Variants in FBRSL1 observed in about 807,000 individuals in gnomAD.
FBRSL1 encodes fibrosin like 1.
FBRSL1 carries 51 observed loss-of-function variants against 89.6 expected under a neutral mutation model. The ratio of observed to expected loss-of-function variants is 0.57; its 90% CI spans 0.45 to 0.72. FBRSL1 has a LOEUF of 0.72. FBRSL1 is among the 30% of genes least tolerant of loss of function. The probability of loss-of-function intolerance (pLI) is 0.00; values close to 1 mark genes in which losing one functional copy is unlikely to be tolerated. For missense variants in FBRSL1, 1,618 were observed against 1,451.8 expected, an observed-to-expected ratio of 1.11 and a Z score of -1.86; for synonymous variants, 779 against 681.1, an observed-to-expected ratio of 1.14 and a Z score of -2.24.
chr12:132,582,683 G>A (rs1252415302), intron 18 of FBRSL1, among the ~76,000 whole-genome samples: 1 of 152,088 alleles, frequency 6.6e-6, no homozygotes, highest in East Asian at 1.9e-4. Flanking sequence ...TCGGGGGTGC[G>A]GCTGCCGGGA....
At position 132,583,354 on chromosome 12, in the gene FBRSL1, G is replaced by C; in HGVS notation, c.2585G>C (p.Arg862Pro). The C allele has an allele frequency of 8.7e-7, 1 of 1,146,700 alleles. No homozygotes were observed. The highest frequency in any genetic ancestry group is 2.7e-5 in the South Asian group (1 of 37,364). The allele number at this position is 1,146,700 out of a possible 1,614,324, so 71.0% of individuals were successfully genotyped here. A position where few individuals can be genotyped will look rare whatever the true frequency, so the allele number is the denominator to read the frequency against. The change falls in exon 19 of 19, where the codon CGT becomes CCT. Residue 862 changes from arginine (R) to proline (P), a missense_variant. By Grantham distance (103) the Arg-to-Pro change is moderately radical. Transcript: ENST00000680143. ...CCTTTCCGCGGCCTGGAGCTGCCAC[G>C]TCGCGCCTTCCCCGCTGCCGCCCCC... ...WEPFRGLELP[R>P]RAFPAAAPAP...
chr12:132,496,573 TA>T (rs1259609355), intron 1 of FBRSL1, among the ~76,000 whole-genome samples: 2 of 152,186 alleles, frequency 1.3e-5, no homozygotes, highest in South Asian at 2.1e-4. Flanking sequence ...AGGGGACTCT[TA>T]GGGGGTTGTC....
chr12:132,580,349 A>G (rs2040658354), intron 15 of FBRSL1, among the ~76,000 whole-genome samples: 1 of 152,142 alleles, frequency 6.6e-6, no homozygotes, highest in Non-Finnish European at 1.5e-5. Flanking sequence ...CGGCCTCCCA[A>G]AGTGCTGGGA....
At position 132,570,050 on chromosome 12, in the gene FBRSL1, G is replaced by C. The variant is rs373715873; in HGVS notation, c.816G>C (p.Ala272=). 6.7e-7 allele frequency: 1 copy of C among 1,503,324 alleles called. No homozygotes were observed. The highest frequency in any genetic ancestry group is 8.8e-7 in the Non-Finnish European group (1 of 1,133,110). The allele number at this position is 1,503,324 out of a possible 1,614,324, so 93.1% of individuals were successfully genotyped here. A position where few individuals can be genotyped will look rare whatever the true frequency, so the allele number is the denominator to read the frequency against. Residue 272 remains alanine, a synonymous_variant, in exon 7 of 19, where the codon GCG becomes GCC. Coordinates refer to ENST00000680143, the MANE Select transcript of FBRSL1 (RefSeq NM_001367871.1). ...CTGCCAGCCCCGCGCCCCATGCCGC[G>C]CCCTGCCCGGGGCCCCCGCCCGGCT... ...LPTASPAPHA[A]PCPGPPPGSR...
In FBRSL1 at chr12:132,584,817, TTTACACACAC is replaced by T. The variant is rs142171092; in HGVS notation, c.*1040_*1049del. 0.27 allele frequency: 32,922 copies of T among 121,570 alleles called. 4,202 individuals carry two copies. The highest frequency in any genetic ancestry group is 0.37 in the Non-Finnish European group (18,943 of 51,854). The allele number at this position is 121,570 out of a possible 1,614,324, so 7.5% of individuals were successfully genotyped here. On this transcript the variant is annotated 3_prime_UTR_variant, in exon 19 of 19. Coordinates refer to ENST00000680143, the MANE Select transcript of FBRSL1 (RefSeq NM_001367871.1). Reference sequence around the variant, plus strand: ...GAAGTGCAAGAGTCTAAAGGCTGATTTTACACACACACACACACACACACACACACACACA... The same window carrying T: ...GAAGTGCAAGAGTCTAAAGGCTGATTACACACACACACACACACACACACA...
chr12:132,574,338 C>T lies in FBRSL1; in HGVS notation c.1619C>T (p.Ala540Val), dbSNP rs761424164. The change falls in exon 13 of 19, where the codon GCG (alanine) becomes GTG (valine). Residue 540 changes from alanine (A) to valine (V), a missense_variant. Transcript: ENST00000680143. ...KAPGVSDPYRAVVKKPGRWCA... is the reference protein window; with the variant it reads ...KAPGVSDPYRVVVKKPGRWCA... Reference sequence around the variant, plus strand: ...CCACAGGTGTCTGACCCGTACCGGGCGGTGGTCAAGGTGAGCACGTGTTGG... The same window carrying T: ...CCACAGGTGTCTGACCCGTACCGGGTGGTGGTCAAGGTGAGCACGTGTTGG... The T allele has an allele frequency of 2.6e-5, 40 of 1,549,052 alleles. No individual in the cohort carries two copies. Among genetic ancestry groups the T allele is most frequent in the Non-Finnish European group, 3.3e-5 (38 of 1,146,358 alleles).
intron 6 of FBRSL1, among the ~76,000 whole-genome samples, chr12:132,569,323 C>T (rs186482762): frequency 5.9e-5 from 9 of 151,364 alleles, no homozygotes; most frequent in East Asian, 1.9e-4. Context: ...TGGCGGGTGA[C>T]GGGCAGTCAC....
rs559147432 is a variant in FBRSL1 at position 132,539,097 on chromosome 12, G to A, written c.616-8906G>A. On this transcript the variant is annotated intron_variant, in intron 4 of 18. Coordinates refer to ENST00000680143, the MANE Select transcript of FBRSL1 (RefSeq NM_001367871.1). Reference sequence around the variant, plus strand: ...GCAGCAGGTGGGTCTGTGGCGACTTGCAAGTGAGCCCAGTGTGAGCCGCAT... The same window carrying A: ...GCAGCAGGTGGGTCTGTGGCGACTTACAAGTGAGCCCAGTGTGAGCCGCAT... Among the ~76,000 whole-genome samples the A allele has an allele frequency of 7.8e-4, 118 of 152,114 alleles. 2 individuals are homozygous for A. The highest frequency in any genetic ancestry group is 6.8e-3 in the Middle Eastern group (2 of 294).
chr12:132,567,997 G>A (rs1170381184), intron 6 of FBRSL1, among the ~76,000 whole-genome samples: 1 of 152,206 alleles, frequency 6.6e-6, no homozygotes, highest in Non-Finnish European at 1.5e-5. Context: ...GTGGCTGTGA[G>A]CTATGGGACA....
intron 1 of FBRSL1, among the ~76,000 whole-genome samples, chr12:132,501,725 G>T (rs1226212848): frequency 6.6e-6 from 1 of 152,186 alleles, no homozygotes; most frequent in East Asian, 1.9e-4. Flanking sequence ...TCTGGAGAGG[G>T]TGGGACCCCA....
intron 1 of FBRSL1, among the ~76,000 whole-genome samples, chr12:132,493,608 AG>A (rs1475636481): frequency 6.6e-6 from 1 of 152,172 alleles, no homozygotes; most frequent in Non-Finnish European, 1.5e-5. Context: ...TGCCCGGGGC[AG>A]GTCTCTGTAC....
intron 1 of FBRSL1, among the ~76,000 whole-genome samples, chr12:132,496,716 CCT>C (rs1279697151): frequency 6.6e-6 from 1 of 152,262 alleles, no homozygotes; most frequent in Non-Finnish European, 1.5e-5. Context: ...TCCCTCCTTC[CCT>C]GTTTCCCCAC....
chr12:132,543,723 A>G (rs6420287), intron 4 of FBRSL1, among the ~76,000 whole-genome samples: 115,276 of 152,194 alleles, frequency 0.76, 44,336 homozygotes, highest in African/African-American at 0.91. Context: ...GGAGGTGCTA[A>G]GCATCCCCAC....
At chr12:132,497,004 C>T (rs1028451665) in intron 1 of FBRSL1, among the ~76,000 whole-genome samples, 2 of 152,248 alleles carry the variant, frequency 1.3e-5, no homozygotes, top group Non-Finnish European at 2.9e-5. Context: ...CCTGGCGGGC[C>T]GTGTTGGTGG....
At chr12:132,537,942 C>T (rs1477968100) in intron 4 of FBRSL1, among the ~76,000 whole-genome samples, 1 of 152,192 alleles carries the variant, frequency 6.6e-6, no homozygotes, top group Non-Finnish European at 1.5e-5. Context: ...CACTCGTGTG[C>T]AGGCGCAGTG....
rs149656305 is a variant in FBRSL1 at position 132,575,541 on chromosome 12, C to T, written c.1701+977C>T. 3.6e-3 allele frequency among the ~76,000 whole-genome samples: 543 copies of T among 152,336 alleles called. 3 individuals are homozygous for T. The highest frequency in any genetic ancestry group is 0.012 in the African/African-American group (507 of 41,580). The stretch of plus-strand genomic sequence containing the variant: ...TGTGCCCGGCCAGAATGCTGCATGT[C>T]TTTATACTTGCATGTCTGGGTGGAA... On this transcript the variant is annotated intron_variant, in intron 14 of 18. Coordinates refer to ENST00000680143, the MANE Select transcript of FBRSL1 (RefSeq NM_001367871.1).
intron 12 of FBRSL1, 60 bp from the exon 13 acceptor site, chr12:132,574,259 A>T: frequency 1.4e-6 from 2 of 1,466,020 alleles, no homozygotes; most frequent in Non-Finnish European, 1.8e-6. Context: ...TGTCCCCTGC[A>T]CCCCCAGGAC....
intron 15 of FBRSL1, among the ~76,000 whole-genome samples, chr12:132,577,325 G>A (rs1419070357): frequency 6.6e-6 from 1 of 152,170 alleles, no homozygotes; most frequent in Non-Finnish European, 1.5e-5. Flanking sequence ...CAAAGGAATG[G>A]CAGGGACCCA....
intron 1 of FBRSL1, among the ~76,000 whole-genome samples, chr12:132,501,394 C>G (rs1482745875): frequency 1.7e-4 from 26 of 152,206 alleles, no homozygotes; most frequent in Admixed American, 1.7e-3. Context: ...GAGGAAGAGG[C>G]TCTGTGTGTC....
Sources: allele counts gnomAD v4.1 joint callset (sites outside exome capture counted in the v4.1 genomes callset), GRCh38; gene constraint gnomAD v4.1.1; transcripts MANE v1.5; gene names NCBI Gene and HGNC (gene_info 2026-07-23, HGNC 2026-07-21).